PTPRR: variants seen among roughly 807,000 people sequenced by gnomAD.
PTPRR encodes protein tyrosine phosphatase receptor type R.
In PTPRR, 38 loss-of-function variants were observed where a neutral mutation model predicts 77.2. The observed-to-expected ratio is 0.49, with a 90% confidence interval of 0.38 to 0.65. PTPRR has a LOEUF of 0.65. Among genes scored for constraint, PTPRR ranks in the 30% least tolerant of loss-of-function variants. The pLI, the probability that PTPRR is intolerant of heterozygous loss-of-function variation, is 0.00. For missense variants in PTPRR, 744 were observed against 799.2 expected (o/e 0.93, Z 0.83); for synonymous variants, 299 against 283.1 (o/e 1.06, Z -0.57).
Position 70,732,858 on chromosome 12 carries a change from G to A in PTPRR, c.1007+12960C>T, listed in dbSNP as rs569358292. ...ACAGGCATGAGCCACTATGCCCGGCGCATCATCTATTTTTATTTTTTTAAA... is the reference window on the plus strand; with the variant it reads ...ACAGGCATGAGCCACTATGCCCGGCACATCATCTATTTTTATTTTTTTAAA... On this transcript the variant is annotated intron_variant, in intron 6 of 13. Transcript: ENST00000283228. Among the ~76,000 whole-genome samples the A allele has an allele frequency of 1.3e-5, 2 of 151,244 alleles. 1 individual carries two copies. Among genetic ancestry groups the A allele is most frequent in the South Asian group, 4.3e-4 (2 of 4,646 alleles).
chr12:70,721,460 C>G (rs564528317), intron 6 of PTPRR, among the ~76,000 whole-genome samples: 175 of 152,258 alleles, frequency 1.1e-3, no homozygotes, highest in African/African-American at 3.9e-3. Context: ...GTGGATAGCT[C>G]CTGTCCAAAT....
chr12:70,879,416 C>T (rs971410933), intron 2 of PTPRR, among the ~76,000 whole-genome samples: 2 of 147,142 alleles, frequency 1.4e-5, no homozygotes, highest in Non-Finnish European at 3.0e-5. Context: ...AAAGAAGAAA[C>T]AAAGACTCAG....
intron 2 of PTPRR, among the ~76,000 whole-genome samples, chr12:70,804,548 G>GA (rs372802025): frequency 7.6e-4 from 111 of 145,640 alleles, no homozygotes; most frequent in Admixed American, 3.1e-3. Context: ...CTGGGTGACA[G>GA]AAAAAAAAAA....
chr12:70,764,176 T>C (rs1238032848), intron 3 of PTPRR, among the ~76,000 whole-genome samples: 1 of 152,172 alleles, frequency 6.6e-6, no homozygotes, highest in Non-Finnish European at 1.5e-5. Flanking sequence ...TCCATTGTTC[T>C]ACTGATATAC....
chr12:70,663,164 G>A (rs1007711652), intron 10 of PTPRR, among the ~76,000 whole-genome samples: 20 of 151,930 alleles, frequency 1.3e-4, no homozygotes, highest in African/African-American at 4.4e-4. Flanking sequence ...ATATTTTCCC[G>A]GACCAACAGT....
chr12:70,732,791 C>A (rs183235519), intron 6 of PTPRR, among the ~76,000 whole-genome samples: 58 of 152,240 alleles, frequency 3.8e-4, no homozygotes, highest in Non-Finnish European at 7.5e-4. Flanking sequence ...AAACTCCTGA[C>A]TTTGTGATCT....
intron 1 of PTPRR, among the ~76,000 whole-genome samples, chr12:70,905,227 G>T (rs916921114): frequency 1.3e-5 from 2 of 151,836 alleles, no homozygotes; most frequent in South Asian, 4.2e-4. Flanking sequence ...ATCTTTTGAT[G>T]GTGTCTATAT....
intron 2 of PTPRR, among the ~76,000 whole-genome samples, chr12:70,765,180 C>T (rs999686735): frequency 6.6e-6 from 1 of 152,130 alleles, no homozygotes; most frequent in Admixed American, 6.5e-5. Context: ...GTGCAGTGCA[C>T]CGTGCACGAG....
chr12:70,739,201 T>C (rs1164666179), intron 6 of PTPRR, among the ~76,000 whole-genome samples: 1 of 152,220 alleles, frequency 6.6e-6, no homozygotes, highest in Non-Finnish European at 1.5e-5. Flanking sequence ...TGACCTAGTG[T>C]AGGCTTGTGA....
At chr12:70,893,268 A>C (rs904576400) in intron 1 of PTPRR, among the ~76,000 whole-genome samples, 7 of 151,992 alleles carry the variant, frequency 4.6e-5, no homozygotes, top group African/African-American at 1.4e-4. Flanking sequence ...TCCTTTATCT[A>C]CACCCATAGT....
intron 2 of PTPRR, among the ~76,000 whole-genome samples, chr12:70,878,366 A>G (rs1438369929): frequency 1.3e-5 from 2 of 152,226 alleles, no homozygotes; most frequent in South Asian, 2.1e-4. Context: ...CAAAGGGCTA[A>G]TATCCAGAAT....
intron 2 of PTPRR, among the ~76,000 whole-genome samples, chr12:70,782,680 G>GA (rs1484347917): frequency 6.6e-6 from 1 of 151,968 alleles, no homozygotes; most frequent in Non-Finnish European, 1.5e-5. Context: ...ACACACCGGG[G>GA]CCGTTGTGGG....
chr12:70,698,529 G>C (rs1888312650), intron 7 of PTPRR, among the ~76,000 whole-genome samples, 180 bp from the exon 8 acceptor site: 1 of 152,070 alleles, frequency 6.6e-6, no homozygotes, highest in Non-Finnish European at 1.5e-5. Flanking sequence ...ATCCGGACAA[G>C]CTGACTTCTA....
chr12:70,714,899 G>A (rs934798173), intron 6 of PTPRR, among the ~76,000 whole-genome samples: 1 of 152,086 alleles, frequency 6.6e-6, no homozygotes, highest in African/African-American at 2.4e-5. Context: ...TGGGAAGATC[G>A]CTGGAGCCTA....
intron 2 of PTPRR, among the ~76,000 whole-genome samples, chr12:70,840,986 T>TTG (rs58047953): frequency 6.6e-6 from 1 of 151,070 alleles, no homozygotes; most frequent in Non-Finnish European, 1.5e-5. Flanking sequence ...TTTTTTTTTT[T>TTG]GTCTAAAACT....
At chr12:70,790,311 A>G (rs1296847310) in intron 2 of PTPRR, among the ~76,000 whole-genome samples, 3 of 152,094 alleles carry the variant, frequency 2.0e-5, no homozygotes, top group African/African-American at 4.8e-5. Flanking sequence ...GCTACATCCA[A>G]TGTTCAATCC....
At chr12:70,886,542 C>G (rs899646929) in intron 2 of PTPRR, among the ~76,000 whole-genome samples, 1 of 151,938 alleles carries the variant, frequency 6.6e-6, no homozygotes, top group South Asian at 2.1e-4. Flanking sequence ...GATTTTGAAT[C>G]CTGGGAATAG....
chr12:70,711,646 C>A (rs914422519), intron 6 of PTPRR, among the ~76,000 whole-genome samples: 1 of 151,910 alleles, frequency 6.6e-6, no homozygotes, highest in African/African-American at 2.4e-5. Context: ...TATTTTAATT[C>A]CAAATCCTTA....
chr12:70,909,649 T>C (rs919322454), intron 1 of PTPRR, among the ~76,000 whole-genome samples: 5 of 152,146 alleles, frequency 3.3e-5, no homozygotes, highest in African/African-American at 1.2e-4. Context: ...CATAAACTCA[T>C]TGTAGGATAT....
Sources: gnomAD v4.1 joint callset for allele counts (sites outside exome capture counted in the v4.1 genomes callset) on GRCh38, gnomAD v4.1.1 for gene constraint, MANE v1.5 for transcripts, NCBI Gene and HGNC (gene_info 2026-07-23, HGNC 2026-07-21) for gene names.